The following CYP19A1 variants were observed in gnomAD, a reference collection of about 807,000 sequenced individuals.
CYP19A1 encodes the protein cytochrome P450 family 19 subfamily A member 1.
Under a neutral mutation model 44.4 loss-of-function variants are expected in CYP19A1, and 32 were observed. The observed-to-expected ratio is 0.72, with a 90% CI of 0.54 to 0.97. The LOEUF (loss-of-function observed/expected upper bound fraction) is 0.97, where lower values mean the gene tolerates loss of function less well. Among genes scored for constraint, CYP19A1 ranks in the 50% least tolerant of loss-of-function variants. CYP19A1 has a pLI of 0.00. For synonymous variants in CYP19A1, 212 were observed against 215.6 expected (o/e 0.98, Z 0.14); for missense variants, 598 against 637.8 (o/e 0.94, Z 0.67).
At chr15:51,215,044 GTAT>G (rs1298482379) in intron 8 of CYP19A1, 23 bp downstream of exon 8, 1 of 1,597,922 alleles carries the variant, frequency 6.3e-7, no homozygotes, top group South Asian at 1.1e-5. Flanking sequence ...TTTTTAAGAT[GTAT>G]TATTTATTTG....
At chr15:51,215,295 AG>A (rs1443799635) in intron 7 of CYP19A1, 63 bp from the exon 8 acceptor site, 12 of 1,609,576 alleles carry the variant, frequency 7.5e-6, no homozygotes, top group Non-Finnish European at 9.3e-6. Context: ...AAATGAGGGG[AG>A]GTGACACTCA....
chr15:51,272,182 C>T (rs530516833), intron 1 of CYP19A1, among the ~76,000 whole-genome samples: 1 of 152,342 alleles, frequency 6.6e-6, no homozygotes, highest in East Asian at 1.9e-4. Context: ...CAGTTTTAAC[C>T]TCAGCCATAT....
At chr15:51,332,305 C>T (rs1290395974) in intron 1 of CYP19A1, among the ~76,000 whole-genome samples, 1 of 152,214 alleles carries the variant, frequency 6.6e-6, no homozygotes, top group African/African-American at 2.4e-5. Context: ...TCCTCTCCTG[C>T]TGTTCCTCCT....
chr15:51,250,264 A>C (rs1566895210), intron 1 of CYP19A1, among the ~76,000 whole-genome samples: 1 of 152,250 alleles, frequency 6.6e-6, no homozygotes. Flanking sequence ...TCCATCAGGC[A>C]GGACCGTGGC....
intron 4 of CYP19A1, among the ~76,000 whole-genome samples, chr15:51,225,411 G>A (rs1566878462): frequency 1.3e-5 from 2 of 152,144 alleles, no homozygotes; most frequent in Admixed American, 6.5e-5. Flanking sequence ...GGATCTTATA[G>A]CATTATTTCA....
chr15:51,217,642 G>C (rs2031699546), intron 6 of CYP19A1, among the ~76,000 whole-genome samples: 1 of 152,166 alleles, frequency 6.6e-6, no homozygotes, highest in African/African-American at 2.4e-5. Flanking sequence ...TGGAGAACTT[G>C]AGATGGTTAG....
At chr15:51,237,832 A>C (rs928899327) in intron 2 of CYP19A1, among the ~76,000 whole-genome samples, 8 of 152,218 alleles carry the variant, frequency 5.3e-5, no homozygotes, top group Non-Finnish European at 8.8e-5. Context: ...GCTTGATTTT[A>C]CTGGTGTTGG....
intron 1 of CYP19A1, among the ~76,000 whole-genome samples, chr15:51,292,861 C>A (rs2035879488): frequency 6.6e-6 from 1 of 151,276 alleles, no homozygotes; most frequent in African/African-American, 2.4e-5. Flanking sequence ...TGACTGGGGT[C>A]CTTTAGTGGA....
intron 1 of CYP19A1, among the ~76,000 whole-genome samples, chr15:51,281,816 C>T (rs1015048056): frequency 5.9e-5 from 9 of 152,294 alleles, no homozygotes; most frequent in Non-Finnish European, 1.3e-4. Context: ...TCCCCCAACC[C>T]AAGTTATGAC....
chr15:51,276,829 TGC>T (rs1468660085), intron 1 of CYP19A1, among the ~76,000 whole-genome samples: 1 of 152,184 alleles, frequency 6.6e-6, no homozygotes, highest in Non-Finnish European at 1.5e-5. Context: ...AATCATAATG[TGC>T]TATTGAGGTG....
At chr15:51,212,178 G>C in intron 9 of CYP19A1, 142 bp downstream of exon 9, 1 of 753,496 alleles carries the variant, frequency 1.3e-6, no homozygotes, top group South Asian at 1.4e-5. Context: ...CAAGCTAGGG[G>C]ACGTGTGTGC....
chr15:51,261,809 T>G (rs976376274), intron 1 of CYP19A1, among the ~76,000 whole-genome samples: 3 of 152,128 alleles, frequency 2.0e-5, no homozygotes, highest in Non-Finnish European at 4.4e-5. Context: ...AAGAATAGCA[T>G]GCAAGTGAGG....
intron 1 of CYP19A1, among the ~76,000 whole-genome samples, chr15:51,267,000 G>A (rs1216066453): frequency 6.6e-6 from 1 of 152,132 alleles, no homozygotes; most frequent in Non-Finnish European, 1.5e-5. Flanking sequence ...CAAAGAACAG[G>A]GCAGTCTGCA....
At chr15:51,311,045 G>C (rs1325962005) in intron 1 of CYP19A1, among the ~76,000 whole-genome samples, 3 of 152,080 alleles carry the variant, frequency 2.0e-5, no homozygotes, top group Non-Finnish European at 4.4e-5. Context: ...ATTTTAACAG[G>C]ACCCAGAGTC....
chr15:51,262,002 T>C (rs1407828286), intron 1 of CYP19A1, among the ~76,000 whole-genome samples: 1 of 152,152 alleles, frequency 6.6e-6, no homozygotes, highest in Non-Finnish European at 1.5e-5. Flanking sequence ...AAACTGGCCA[T>C]AAACAAAATC....
chr15:51,258,926 C>A (rs938806072), intron 1 of CYP19A1, among the ~76,000 whole-genome samples: 11 of 152,142 alleles, frequency 7.2e-5, no homozygotes, highest in African/African-American at 2.7e-4. Context: ...CCACTAATGA[C>A]ACATTCGACA....
intron 6 of CYP19A1, among the ~76,000 whole-genome samples, chr15:51,217,840 G>A (rs2031719148): frequency 6.6e-6 from 1 of 152,150 alleles, no homozygotes; most frequent in Admixed American, 6.5e-5. Flanking sequence ...ACACAAAACA[G>A]GAGTTCCTGT....
In CYP19A1 at chr15:51,212,319, C is replaced by T; in HGVS notation, c.1263+1G>A. 3 of 1,593,964 alleles carry T rather than the reference C, an allele frequency of 1.9e-6. No homozygotes were observed. The South Asian group carries it at 3.3e-5, about 18-fold the overall frequency. On this transcript the variant is annotated splice_donor_variant, in intron 9 of 9. Coordinates refer to ENST00000396402, the MANE Select transcript of CYP19A1 (RefSeq NM_000103.4). LOFTEE classifies it high-confidence loss of function. ...ACTCAGTTTTAAGGAAGGGCTCTTA[C>T]ATTCTTTGCAAAATTTTCAAGAGTA...
At chr15:51,213,568 A>G (rs575361106) in intron 8 of CYP19A1, among the ~76,000 whole-genome samples, 5 of 152,244 alleles carry the variant, frequency 3.3e-5, no homozygotes, top group African/African-American at 1.2e-4. Context: ...GGAGAAGGTG[A>G]CCAAAGGTGC....
Sources: gnomAD v4.1 joint callset for allele counts (sites outside exome capture counted in the v4.1 genomes callset) on GRCh38, gnomAD v4.1.1 for gene constraint, MANE v1.5 for transcripts, NCBI Gene and HGNC (gene_info 2026-07-23, HGNC 2026-07-21) for gene names.